The following DYNC1H1 variants were observed in gnomAD, a reference collection of about 807,000 sequenced individuals.
DYNC1H1 encodes dynein cytoplasmic 1 heavy chain 1.
DYNC1H1 carries 51 observed loss-of-function variants against 527.1 expected under a neutral mutation model. The ratio of observed to expected loss-of-function variants is 0.10; its 90% CI spans 0.08 to 0.12. DYNC1H1 has a LOEUF of 0.12. Among genes scored for constraint, DYNC1H1 ranks in the 10% least tolerant of loss-of-function variants. The pLI, the probability that DYNC1H1 is intolerant of heterozygous loss-of-function variation, is 1.00. For synonymous variants in DYNC1H1, 2,189 were observed against 2,278.8 expected (o/e 0.96, Z 1.12); for missense variants, 2,771 against 5,971.8 (o/e 0.46, Z 17.66).
intron 69 of DYNC1H1, chr14:102,043,599 T>G: frequency 2.0e-6 from 1 of 490,722 alleles, no homozygotes. Context: ...TTCTGTTCTA[T>G]TTTGTGCCAC....
rs554739899 is a variant in DYNC1H1, at chr14:102,018,657, C to T, written c.8343+41C>T. On this transcript the variant is annotated intron_variant, in intron 41 of 77. Coordinates refer to ENST00000360184, the MANE Select transcript of DYNC1H1 (RefSeq NM_001376.5). This position sits in a 1 kb window ranked among gnomAD's most constrained non-coding sequence, Gnocchi z 5.2. ...TTGCTCTTCCAGAAATTGTTTTCCTCTCATAATTAAGGCACTCGATTGGTC... is the reference window on the plus strand; with the variant it reads ...TTGCTCTTCCAGAAATTGTTTTCCTTTCATAATTAAGGCACTCGATTGGTC... The T allele has an allele frequency of 1.2e-6, 2 of 1,608,162 alleles. No individual in the cohort carries two copies. Among genetic ancestry groups the T allele is most frequent in the African/African-American group, 2.7e-5 (2 of 74,872 alleles).
At position 102,020,054 on chromosome 14, in the gene DYNC1H1, T is replaced by C. The variant is rs1186721048; in HGVS notation, c.8505T>C (p.Asp2835=). 1 of 1,614,148 alleles carries C rather than the reference T, an allele frequency of 6.2e-7. No homozygotes were observed. The highest frequency in any genetic ancestry group is 8.5e-7 in the Non-Finnish European group (1 of 1,180,016). The change falls in exon 42 of 78, where the codon GAT becomes GAC. Residue 2835 remains aspartate (D), a splice_region_variant and synonymous_variant. Coordinates refer to ENST00000360184, the MANE Select transcript of DYNC1H1 (RefSeq NM_001376.5). This position sits in a 1 kb window ranked among gnomAD's most constrained non-coding sequence, Gnocchi z 4.3. ...ATGAAGCTCTGCGTCTCTTCCAAGA[T>C]AGGTAAGGGAAGCCGAGGATCCAGT... ...WAHEALRLFQ[D]RLVEDEERRW... is the part of the protein sequence containing the mutation.
chr14:101,973,843 G>A (rs766913613), intron 1 of DYNC1H1, among the ~76,000 whole-genome samples: 1 of 152,108 alleles, frequency 6.6e-6, no homozygotes, highest in Non-Finnish European at 1.5e-5. Context: ...AATGCTTACA[G>A]AAGGAGCAAG....
Position 102,010,563 on chromosome 14 carries a change from C to T in DYNC1H1, c.6405+104C>T. ...TGAGTTCTTCTTGCAGTTCACATGTCTTGGGATGGCTGAAATAGACTGTAA... is the reference window on the plus strand; with the variant it reads ...TGAGTTCTTCTTGCAGTTCACATGTTTTGGGATGGCTGAAATAGACTGTAA... On this transcript the variant is annotated intron_variant, in intron 31 of 77. Transcript: ENST00000360184. This position sits in a 1 kb window ranked among gnomAD's most constrained non-coding sequence, Gnocchi z 6.0. The T allele has an allele frequency of 9.8e-6, 15 of 1,531,974 alleles. No homozygotes were observed. The highest frequency in any genetic ancestry group is 1.3e-5 in the Non-Finnish European group (15 of 1,126,242). 94.9% of individuals were successfully genotyped at this position (1,531,974 alleles called of 1,614,324 possible). A position where few individuals can be genotyped will look rare whatever the true frequency, so the allele number is the denominator to read the frequency against.
rs374667673 is a variant in DYNC1H1 at position 102,040,709 on chromosome 14, T to A, written c.11941+36T>A. On this transcript the variant is annotated intron_variant, in intron 64 of 77. Transcript: ENST00000360184. ...CTGTGGTTTTCTTTCTGGACCTGAA[T>A]GTAAAGTTGGGTTTTGCTGCTTAAA... 26 of 1,613,166 alleles carry A rather than the reference T, an allele frequency of 1.6e-5. No individual in the cohort carries two copies. The African/African-American group carries it at 3.5e-4, about 22-fold the overall frequency.
chr14:101,965,066 C>T lies in DYNC1H1; in HGVS notation c.256+119C>T. 5 of 1,121,004 alleles carry T rather than the reference C, an allele frequency of 4.5e-6. No homozygotes were observed. In the South Asian group the frequency reaches 6.5e-5, roughly 14 times the overall value. The allele number at this position is 1,121,004 out of a possible 1,614,324, so 69.4% of individuals were successfully genotyped here. On this transcript the variant is annotated intron_variant, in intron 1 of 77. Coordinates refer to ENST00000360184, the MANE Select transcript of DYNC1H1 (RefSeq NM_001376.5). The surrounding 1 kb of genome is among the most constrained non-coding windows in gnomAD (Gnocchi z 4.1). Reference sequence around the variant, plus strand: ...GGAGGAGCCCGGCAGCTGCAGATGACCCCTGGATGGGCAGAGCCCGGCGGC... The same window carrying T: ...GGAGGAGCCCGGCAGCTGCAGATGATCCCTGGATGGGCAGAGCCCGGCGGC...
chr14:102,000,528 C>A, intron 18 of DYNC1H1, 129 bp downstream of exon 18: 42 of 727,832 alleles, frequency 5.8e-5, no homozygotes, highest in Non-Finnish European at 7.6e-5. Context: ...TCCTGCATGT[C>A]ATTTACATTA....
intron 1 of DYNC1H1, among the ~76,000 whole-genome samples, chr14:101,974,248 C>A (rs1222699931): frequency 3.3e-5 from 5 of 152,126 alleles, no homozygotes; most frequent in African/African-American, 1.2e-4. Flanking sequence ...TACAGGCATG[C>A]GCCACCATGC....
Position 102,027,892 on chromosome 14 carries a change from A to C in DYNC1H1, c.9264-45A>C, listed in dbSNP as rs1434077415. The C allele has an allele frequency of 1.2e-6, 2 of 1,614,040 alleles. No individual in the cohort carries two copies. Among genetic ancestry groups the C allele is most frequent in the Non-Finnish European group, 1.7e-6 (2 of 1,180,028 alleles). The stretch of plus-strand genomic sequence containing the variant: ...AAGTCGGTGTCCTTCCAAGGGACAA[A>C]GCCTGCCCCTCATAGCTGTCCTGAA... On this transcript the variant is annotated intron_variant, in intron 47 of 77. Transcript: ENST00000360184. The surrounding 1 kb of genome is among the most constrained non-coding windows in gnomAD (Gnocchi z 7.7).
At chr14:101,992,739 T>C (rs17540873) in intron 11 of DYNC1H1, among the ~76,000 whole-genome samples, 1,671 of 152,172 alleles carry the variant, frequency 0.011, 17 homozygotes, top group Non-Finnish European at 0.015. Flanking sequence ...CTAGGGGGCT[T>C]CTCTGTCCTT....
At position 101,997,042 on chromosome 14, in the gene DYNC1H1, G is replaced by A. The variant is rs1003718521; in HGVS notation, c.3572G>A (p.Arg1191His). 3.1e-6 allele frequency: 5 copies of A among 1,613,746 alleles called. No homozygotes were observed. Among genetic ancestry groups the A allele is most frequent in the Non-Finnish European group, 4.2e-6 (5 of 1,179,906 alleles). The change falls in exon 16 of 78, where the codon CGC becomes CAC. Residue 1191 changes from arginine (R) to histidine (H), a missense_variant. By Grantham distance (29) the Arg-to-His change is conservative. Around this residue, in one of 32 missense-constraint regions of DYNC1H1, gnomAD observed 223 missense variants for 462.5 expected, o/e 0.48. Coordinates refer to ENST00000360184, the MANE Select transcript of DYNC1H1 (RefSeq NM_001376.5). The surrounding 1 kb of genome is among the most constrained non-coding windows in gnomAD (Gnocchi z 4.8). ...KQFEKQVELY[R>H]NGQRLLEKQR... is the part of the protein sequence containing the mutation. ...ATTTTTTAACTCTCAAAGCTCTACC[G>A]CAATGGCCAGCGCTTACTGGAAAAG...
intron 11 of DYNC1H1, 56 bp downstream of exon 11, chr14:101,991,729 G>A (rs1178382672): frequency 4.4e-6 from 7 of 1,606,234 alleles, no homozygotes; most frequent in Non-Finnish European, 6.0e-6. Flanking sequence ...CATGGGCTCT[G>A]TGATACCACT....
At chr14:102,025,601 C>T (rs1380795571) in intron 43 of DYNC1H1, among the ~76,000 whole-genome samples, 3 of 148,042 alleles carry the variant, frequency 2.0e-5, no homozygotes, top group African/African-American at 7.4e-5. Context: ...ATCTTTGAAA[C>T]TCTTAATCAC....
chr14:102,050,538 G>A lies in DYNC1H1; in HGVS notation c.13916G>A (p.Gly4639Asp). 1 of 1,614,226 alleles carries A rather than the reference G, an allele frequency of 6.2e-7. No homozygotes were observed. The highest frequency in any genetic ancestry group is 8.5e-7 in the Non-Finnish European group (1 of 1,180,046). The change falls in exon 78 of 78, where the codon GGT becomes GAT. Residue 4639 changes from glycine to aspartate, a missense_variant. Gly to Asp is a moderately conservative substitution (Grantham distance 94, BLOSUM62 -1). This residue lies in a region of DYNC1H1 where 106 missense variants were observed against 139.2 expected (regional missense o/e 0.76). Coordinates refer to ENST00000360184, the MANE Select transcript of DYNC1H1 (RefSeq NM_001376.5). ...KEDPRSFYER[G>D]VAVLCTE ...GATCCTCGCAGCTTCTACGAGCGGG[G>A]TGTCGCAGTCTTGTGCACAGAGTAA... is the stretch of plus-strand genomic sequence containing the variant.
Position 102,044,372 on chromosome 14 carries a change from C to T in DYNC1H1, c.12783C>T (p.Asp4261=), listed in dbSNP as rs2048689423. Residue 4261 remains aspartate (D), a synonymous_variant, in exon 71 of 78, where the codon GAC becomes GAT. Transcript: ENST00000360184. This position sits in a 1 kb window ranked among gnomAD's most constrained non-coding sequence, Gnocchi z 7.1. ...IYGGRVDNEF[D]QRLLNTFLER... ...GCGGGCGCGTGGACAACGAGTTTGA[C>T]CAGCGTCTGCTCAACACCTTCCTGG... 1.9e-6 allele frequency: 3 copies of T among 1,613,964 alleles called. No individual in the cohort carries two copies. Among genetic ancestry groups the T allele is most frequent in the East Asian group, 2.2e-5 (1 of 44,896 alleles).
In DYNC1H1 at chr14:102,004,698, G is replaced by A. The variant is rs975753572; in HGVS notation, c.5049+15G>A. 15 of 1,614,120 alleles carry A rather than the reference G, an allele frequency of 9.3e-6. No homozygotes were observed. Among genetic ancestry groups the A allele is most frequent in the East Asian group, 4.5e-5 (2 of 44,880 alleles). ...AAGGAGAGGAGGTAAATTTATGTTC[G>A]TAACTTTTAAAACTTCTCTCACATT... On this transcript the variant is annotated intron_variant, in intron 24 of 77. Transcript: ENST00000360184.
chr14:102,024,690 CTCTTTT>C (rs2048427520), intron 43 of DYNC1H1, among the ~76,000 whole-genome samples: 3 of 126,304 alleles, frequency 2.4e-5, no homozygotes, highest in African/African-American at 1.0e-4. Context: ...TTTTTTTTAA[CTCTTTT>C]TTTTTTTTTT....
rs2047794075 is a variant in DYNC1H1 at position 101,975,860 on chromosome 14, CT to C, written c.344+67del. On this transcript the variant is annotated intron_variant, in intron 2 of 77. Transcript: ENST00000360184. ...TAAATTTGTGAGAATTAATATGAAT[CT>C]TTTTTCTTTTCAAACTCAGAAATTC... 1.2e-5 allele frequency: 15 copies of C among 1,265,404 alleles called. No individual in the cohort carries two copies. In the South Asian group the frequency reaches 1.7e-4, roughly 14 times the overall value. 78.4% of individuals were successfully genotyped at this position (1,265,404 alleles called of 1,614,324 possible).
At chr14:102,046,679 C>T (rs905280056) in intron 72 of DYNC1H1, among the ~76,000 whole-genome samples, 3 of 152,350 alleles carry the variant, frequency 2.0e-5, no homozygotes, top group African/African-American at 7.2e-5. Flanking sequence ...CTCTCGAGCA[C>T]GCACTCATTC....
Sources: gnomAD v4.1 joint callset for allele counts (sites outside exome capture counted in the v4.1 genomes callset) on GRCh38, gnomAD v4.1.1 for gene constraint, gnomAD v4.1.1 regional missense constraint, Gnocchi (gnomAD v3.1) non-coding constraint, MANE v1.5 for transcripts, NCBI Gene and HGNC (gene_info 2026-07-23, HGNC 2026-07-21) for gene names.